DHRS7B: variants seen among roughly 807,000 people sequenced by gnomAD.
DHRS7B encodes peroxisomal reductase activating PPAR-gamma.
In DHRS7B, 24 loss-of-function variants were observed where a neutral mutation model predicts 26.4. The ratio of observed to expected loss-of-function variants is 0.91; its 90% CI spans 0.66 to 1.28. The LOEUF is 1.28. Among genes scored for constraint, DHRS7B ranks in the 50% most tolerant of loss-of-function variants. The probability of loss-of-function intolerance (pLI) is 0.00; values close to 1 mark genes in which losing one functional copy is unlikely to be tolerated. For missense variants in DHRS7B, 368 were observed against 419.4 expected, an observed-to-expected ratio of 0.88 and a Z score of 1.07; for synonymous variants, 142 against 166.4, an observed-to-expected ratio of 0.85 and a Z score of 1.13.
chr17:21,133,188 A>G (rs1232542039), intron 1 of DHRS7B, among the ~76,000 whole-genome samples: 1 of 152,198 alleles, frequency 6.6e-6, no homozygotes, highest in African/African-American at 2.4e-5. Flanking sequence ...CATGTATGGT[A>G]CTGTGAACCC....
At chr17:21,169,674 G>A (rs891756797) in intron 1 of DHRS7B, among the ~76,000 whole-genome samples, 1 of 152,176 alleles carries the variant, frequency 6.6e-6, no homozygotes, top group African/African-American at 2.4e-5. Context: ...CTTGGCTCTT[G>A]ACCCCCATGA....
intron 1 of DHRS7B, among the ~76,000 whole-genome samples, chr17:21,163,193 C>CA (rs66531165): frequency 0.023 from 3,365 of 145,332 alleles, 78 homozygotes; most frequent in African/African-American, 0.055. Flanking sequence ...AAGACTGTCT[C>CA]AAAAAAAAAA....
chr17:21,182,012 C>T (rs1020155298), intron 3 of DHRS7B, among the ~76,000 whole-genome samples: 1 of 152,168 alleles, frequency 6.6e-6, no homozygotes, highest in African/African-American at 2.4e-5. Context: ...TGTCTTGTTC[C>T]TGATCTTAGA....
chr17:21,131,619 A>G (rs751735449), intron 1 of DHRS7B, among the ~76,000 whole-genome samples: 7 of 152,312 alleles, frequency 4.6e-5, no homozygotes, highest in African/African-American at 1.4e-4. Context: ...TAGAATGCCT[A>G]ACCTGCGAAT....
At chr17:21,130,508 A>C (rs1359059698) in intron 1 of DHRS7B, among the ~76,000 whole-genome samples, 1 of 152,200 alleles carries the variant, frequency 6.6e-6, no homozygotes, top group Non-Finnish European at 1.5e-5. Context: ...TACTGGGTTT[A>C]AACAAGCTAA....
At chr17:21,182,798 AT>A (rs1974542950) in intron 3 of DHRS7B, among the ~76,000 whole-genome samples, 1 of 152,156 alleles carries the variant, frequency 6.6e-6, no homozygotes, top group South Asian at 2.1e-4. Context: ...ATTCGCTGGT[AT>A]TTTGTTGAAG....
At chr17:21,160,398 CA>C (rs200651282) in intron 1 of DHRS7B, among the ~76,000 whole-genome samples, 33 of 149,730 alleles carry the variant, frequency 2.2e-4, no homozygotes, top group Admixed American at 8.0e-4. Context: ...AACAACACAA[CA>C]AAAAAAAATG....
At chr17:21,128,315 A>G (rs1973145795) in intron 1 of DHRS7B, 1 of 152,086 alleles carries the variant, frequency 6.6e-6, no homozygotes, top group Non-Finnish European at 1.5e-5. Context: ...TAATCCCAGC[A>G]CTTTAGGAGG....
chr17:21,133,670 A>C (rs1189141502), intron 1 of DHRS7B, among the ~76,000 whole-genome samples: 1 of 152,216 alleles, frequency 6.6e-6, no homozygotes, highest in Non-Finnish European at 1.5e-5. Context: ...TTTTAGAAGA[A>C]AATGAATCTC....
At position 21,161,550 on chromosome 17, in the gene DHRS7B, A is replaced by G. The variant is rs188207231; in HGVS notation, c.21-10468A>G. On this transcript the variant is annotated intron_variant, in intron 1 of 6. Coordinates refer to ENST00000395511, the MANE Select transcript of DHRS7B (RefSeq NM_015510.5). Reference sequence around the variant, plus strand: ...CCTTCAAGAAATGCTGTATTAAAGGAAGTCCTTTAGGCTAAAAGGAAATGA... The same window carrying G: ...CCTTCAAGAAATGCTGTATTAAAGGGAGTCCTTTAGGCTAAAAGGAAATGA... Among the ~76,000 whole-genome samples the G allele has an allele frequency of 5.9e-5, 9 of 152,324 alleles. No individual in the cohort carries two copies. The East Asian group carries it at 1.7e-3, about 29-fold the overall frequency.
At chr17:21,186,851 A>C (rs1158530919) in intron 5 of DHRS7B, among the ~76,000 whole-genome samples, 2 of 152,240 alleles carry the variant, frequency 1.3e-5, no homozygotes, top group Non-Finnish European at 2.9e-5. Flanking sequence ...TCTAGATGAA[A>C]AGCCACTGCC....
chr17:21,149,177 C>T (rs1169019589), intron 1 of DHRS7B, among the ~76,000 whole-genome samples: 1 of 151,468 alleles, frequency 6.6e-6, no homozygotes, highest in South Asian at 2.1e-4. Context: ...GGAAACCATA[C>T]AGGCCAGGGA....
rs920853495 is a variant in DHRS7B, at chr17:21,178,301, G to A, written c.268G>A (p.Glu90Lys). The A allele has an allele frequency of 1.2e-6, 2 of 1,614,084 alleles. No individual in the cohort carries two copies. Among genetic ancestry groups the A allele is most frequent in the East Asian group, 2.2e-5 (1 of 44,894 alleles). Residue 90 changes from glutamate to lysine, a missense_variant, in exon 3 of 7, where the codon GAA (glutamate) becomes AAA (lysine). Physicochemically the swap from Glu to Lys is moderately conservative, Grantham distance 56 (BLOSUM62 1). Coordinates refer to ENST00000395511, the MANE Select transcript of DHRS7B (RefSeq NM_015510.5). ...VLCGRNGGAL[E>K]ELIRELTASH... ...CTGTGGCCGGAATGGTGGGGCCCTA[G>A]AAGAGCTCATCAGAGAACTCACCGC...
intron 1 of DHRS7B, among the ~76,000 whole-genome samples, chr17:21,149,770 G>C (rs555224013): frequency 1.3e-5 from 2 of 152,130 alleles, no homozygotes; most frequent in African/African-American, 4.8e-5. Flanking sequence ...CAAAACACTT[G>C]TAATAGGTTT....
At chr17:21,187,532 A>G (rs569653022) in intron 5 of DHRS7B, among the ~76,000 whole-genome samples, 93 of 150,822 alleles carry the variant, frequency 6.2e-4, no homozygotes, top group Non-Finnish European at 1.2e-3. Flanking sequence ...AGGCTGAGGG[A>G]GAAGAACGGT....
At chr17:21,167,192 A>G (rs1275300309) in intron 1 of DHRS7B, among the ~76,000 whole-genome samples, 1 of 152,130 alleles carries the variant, frequency 6.6e-6, no homozygotes, top group Non-Finnish European at 1.5e-5. Flanking sequence ...GAAGCCCTTT[A>G]AAGGGTGGAT....
chr17:21,140,491 C>CAT (rs1281320666), intron 1 of DHRS7B, among the ~76,000 whole-genome samples: 108 of 138,342 alleles, frequency 7.8e-4, no homozygotes, highest in Middle Eastern at 3.6e-3. Flanking sequence ...CACACACACA[C>CAT]ACACACACAC....
intron 1 of DHRS7B, among the ~76,000 whole-genome samples, chr17:21,141,945 G>T (rs960411476): frequency 2.0e-5 from 3 of 152,242 alleles, no homozygotes; most frequent in Non-Finnish European, 4.4e-5. Flanking sequence ...TACCCCCATG[G>T]TTACCAAAAT....
chr17:21,132,625 T>C (rs1973264691), intron 1 of DHRS7B, among the ~76,000 whole-genome samples: 1 of 151,146 alleles, frequency 6.6e-6, no homozygotes, highest in Admixed American at 6.6e-5. Flanking sequence ...ATTTGAGCAG[T>C]TGGCTGCCTA....
Sources: gnomAD v4.1 joint callset for allele counts (sites outside exome capture counted in the v4.1 genomes callset) on GRCh38, gnomAD v4.1.1 for gene constraint, MANE v1.5 for transcripts, NCBI Gene and HGNC (gene_info 2026-07-23, HGNC 2026-07-21) for gene names.